The following PCDHGA6 variants were observed in gnomAD, a reference collection of about 807,000 sequenced individuals.
PCDHGA6 encodes the protein protocadherin gamma-A6.
A neutral mutation model predicts 60.6 loss-of-function variants in PCDHGA6; 41 were observed. The ratio of observed to expected loss-of-function variants is 0.68; its 90% CI spans 0.53 to 0.88. PCDHGA6 has a LOEUF of 0.88. PCDHGA6 is among the 40% of genes least tolerant of loss of function. The pLI is 0.00. For synonymous variants in PCDHGA6, 594 were observed against 524.4 expected (o/e 1.13, Z -1.81); for missense variants, 1,312 against 1,203.0 (o/e 1.09, Z -1.34).
intron 1 of PCDHGA6, chr5:141,399,765 G>A: frequency 6.2e-7 from 1 of 1,613,356 alleles, no homozygotes; most frequent in African/African-American, 1.3e-5. Flanking sequence ...GCCTGCGCGT[G>A]TTGGTGGGCG....
chr5:141,428,025 G>C, intron 1 of PCDHGA6: 1 of 1,606,426 alleles, frequency 6.2e-7, no homozygotes, highest in Non-Finnish European at 8.5e-7. Flanking sequence ...ACGCGCCGCA[G>C]AGTCCGGCTA....
At chr5:141,394,782 A>T (rs779984453) in intron 1 of PCDHGA6, 1 of 1,613,558 alleles carries the variant, frequency 6.2e-7, no homozygotes. Flanking sequence ...TCTCTCCGCC[A>T]CTGTCACGCT....
chr5:141,399,252 TG>T, intron 1 of PCDHGA6: 1 of 1,613,778 alleles, frequency 6.2e-7, no homozygotes, highest in Non-Finnish European at 8.5e-7. Context: ...CTGGGGAAAA[TG>T]GGGAGGTTAA....
chr5:141,428,267 T>C, intron 1 of PCDHGA6: 1 of 796,264 alleles, frequency 1.3e-6, no homozygotes, highest in Non-Finnish European at 2.1e-6. Context: ...GACAGTCCTG[T>C]GCCCTCTGAT....
At chr5:141,408,271 T>A in intron 1 of PCDHGA6, 23 of 1,610,976 alleles carry the variant, frequency 1.4e-5, no homozygotes, top group Non-Finnish European at 1.9e-5. Context: ...TGCTGCTGCC[T>A]TTGTTCTACC....
At chr5:141,394,557 G>T in intron 1 of PCDHGA6, 1 of 1,614,082 alleles carries the variant, frequency 6.2e-7, no homozygotes, top group South Asian at 1.1e-5. Context: ...GCCCCGCTCC[G>T]CAGAGCGTGG....
At chr5:141,450,006 C>CTATTTTTTTTTTTT (rs70988802) in intron 1 of PCDHGA6, among the ~76,000 whole-genome samples, 1 of 132,966 alleles carries the variant, frequency 7.5e-6, no homozygotes, top group Non-Finnish European at 1.6e-5. Flanking sequence ...TGCCATGTCT[C>CTATTTTTTTTTTTT]TTTTTTTTTT....
At chr5:141,393,158 ACT>A (rs768666493) in intron 1 of PCDHGA6, 1 of 1,613,126 alleles carries the variant, frequency 6.2e-7, no homozygotes, top group East Asian at 2.2e-5. Context: ...ATAAAGGAAA[ACT>A]CTTTGGGGTA....
intron 1 of PCDHGA6, chr5:141,427,297 A>G (rs1292641772): frequency 2.2e-6 from 1 of 456,900 alleles, no homozygotes; most frequent in Non-Finnish European, 4.4e-6. Context: ...ATCCTAGATG[A>G]GAATGACAAT....
rs567522277 is a variant in PCDHGA6, at chr5:141,485,131, A to G, written c.2425-9676A>G. 1.3e-6 allele frequency: 2 copies of G among 1,482,660 alleles called. No individual in the cohort carries two copies. The highest frequency in any genetic ancestry group is 1.2e-5 in the South Asian group (1 of 83,730). 91.8% of individuals were successfully genotyped at this position (1,482,660 alleles called of 1,614,324 possible). ...TGGCTGTTTGGGGCGGGTCGGCTTC[A>G]TCCGCGTCTCAGGAGCAAGTAGAGA... On this transcript the variant is annotated intron_variant, in intron 1 of 3. Transcript: ENST00000517434. The surrounding 1 kb of genome is among the most constrained non-coding windows in gnomAD (Gnocchi z 5.7).
At chr5:141,383,396 C>G (rs749879106) in intron 1 of PCDHGA6, 3 of 1,614,028 alleles carry the variant, frequency 1.9e-6, no homozygotes, top group Non-Finnish European at 2.5e-6. Context: ...GGCACGAACT[C>G]CCTCCAGAGT....
At chr5:141,453,071 C>G (rs561248978) in intron 1 of PCDHGA6, among the ~76,000 whole-genome samples, 13 of 152,150 alleles carry the variant, frequency 8.5e-5, no homozygotes, top group South Asian at 2.1e-4. Flanking sequence ...TTTTGCCACA[C>G]TCTGGTTGAT....
rs752720166 is a variant in PCDHGA6, at chr5:141,419,978, G to C, written c.2424+43471G>C. 1.9e-6 allele frequency: 3 copies of C among 1,614,076 alleles called. No homozygotes were observed. In the South Asian group the frequency reaches 3.3e-5, roughly 18 times the overall value. On this transcript the variant is annotated intron_variant, in intron 1 of 3. Transcript: ENST00000517434. Reference sequence around the variant, plus strand: ...GATTTCTGTGCTCTTTCTCCTCGCGGTGATTCTAGCTATTGCTCTACGCCT... The same window carrying C: ...GATTTCTGTGCTCTTTCTCCTCGCGCTGATTCTAGCTATTGCTCTACGCCT...
chr5:141,486,504 A>G lies in PCDHGA6; in HGVS notation c.2425-8303A>G. ...AGTACCCACAGAACTATTTTCCTCA[A>G]TATTTCAGATGTGAATGATAATCCA... On this transcript the variant is annotated intron_variant, in intron 1 of 3. Transcript: ENST00000517434. The surrounding 1 kb of genome is among the most constrained non-coding windows in gnomAD (Gnocchi z 5.0). 7.4e-6 allele frequency: 12 copies of G among 1,614,100 alleles called. No individual in the cohort carries two copies. Among genetic ancestry groups the G allele is most frequent in the Non-Finnish European group, 1.0e-5 (12 of 1,179,986 alleles).
Position 141,476,340 on chromosome 5 carries a change from G to A in PCDHGA6, c.2425-18467G>A, listed in dbSNP as rs760616287. The A allele has an allele frequency of 2.2e-5, 36 of 1,614,068 alleles. No homozygotes were observed. In the Admixed American group the frequency reaches 2.5e-4, roughly 11 times the overall value. On this transcript the variant is annotated intron_variant, in intron 1 of 3. Transcript: ENST00000517434. The surrounding 1 kb of genome is among the most constrained non-coding windows in gnomAD (Gnocchi z 7.6). The stretch of plus-strand genomic sequence containing the variant: ...CGGGTGGTGTCTGGAGCTAGCCGAA[G>A]ATTCTTTGAGGTGAACCGGGAGACC...
intron 1 of PCDHGA6, chr5:141,422,845 G>A: frequency 6.2e-7 from 1 of 1,614,230 alleles, no homozygotes; most frequent in Non-Finnish European, 8.5e-7. Context: ...TGACAGCGGG[G>A]ACCCGCCCCT....
At position 141,438,243 on chromosome 5, in the gene PCDHGA6, A is replaced by C. The variant is rs1445738408; in HGVS notation, c.2425-56564A>C. ...TGGTTCAGGAAAATGTTTTTAAAAA[A>C]CTGTCATTGAAGAGACCATAGAATC... On this transcript the variant is annotated intron_variant, in intron 1 of 3. Coordinates refer to ENST00000517434, the MANE Select transcript of PCDHGA6 (RefSeq NM_018919.3). Among the ~76,000 whole-genome samples, 3 of 152,250 alleles carry C rather than the reference A, an allele frequency of 2.0e-5. No individual in the cohort carries two copies. In the East Asian group the frequency reaches 5.8e-4, roughly 29 times the overall value.
At position 141,491,127 on chromosome 5, in the gene PCDHGA6, C is replaced by T. The variant is rs2099708654; in HGVS notation, c.2425-3680C>T. On this transcript the variant is annotated intron_variant, in intron 1 of 3. Transcript: ENST00000517434. This position sits in a 1 kb window ranked among gnomAD's most constrained non-coding sequence, Gnocchi z 6.9. ...TGTCTACACACACTGGTGAGGTGCGCACAGCCCGGGCCTTACTGGAGGATG... is the reference window on the plus strand; with the variant it reads ...TGTCTACACACACTGGTGAGGTGCGTACAGCCCGGGCCTTACTGGAGGATG... 1 of 1,614,076 alleles carries T rather than the reference C, an allele frequency of 6.2e-7. No individual in the cohort carries two copies. The highest frequency in any genetic ancestry group is 1.3e-5 in the African/African-American group (1 of 74,942).
At chr5:141,443,713 A>G (rs774603084) in intron 1 of PCDHGA6, among the ~76,000 whole-genome samples, 19 of 152,246 alleles carry the variant, frequency 1.2e-4, no homozygotes, top group Admixed American at 8.5e-4. Flanking sequence ...ACATTTGCAT[A>G]TAAAATTCCT....
Sources: gnomAD v4.1 joint callset for allele counts (sites outside exome capture counted in the v4.1 genomes callset) on GRCh38, gnomAD v4.1.1 for gene constraint, Gnocchi (gnomAD v3.1) non-coding constraint, MANE v1.5 for transcripts, NCBI Gene and HGNC (gene_info 2026-07-23, HGNC 2026-07-21) for gene names.